Variants in FAAH2 observed in about 807,000 individuals in gnomAD.
FAAH2 encodes fatty-acid amide hydrolase 2.
FAAH2 carries 60 observed loss-of-function variants against 36.9 expected under a neutral mutation model. The ratio of observed to expected loss-of-function variants is 1.63; its 90% CI spans 1.32 to 2.02. FAAH2 has a LOEUF of 2.02. Ranked by LOEUF, FAAH2 falls within the 30% of genes most tolerant of loss-of-function variation. The probability of loss-of-function intolerance (pLI) is 0.00; values close to 1 mark genes in which losing one functional copy is unlikely to be tolerated. For synonymous variants in FAAH2, 214 were observed against 143.8 expected, an observed-to-expected ratio of 1.49 and a Z score of -3.49; for missense variants, 689 against 397.5, an observed-to-expected ratio of 1.73 and a Z score of -6.23.
At chrX:57,276,963 C>T in the FAAH2 span, among the ~76,000 whole-genome samples, 6 of 111,378 alleles carry the variant, frequency 5.4e-5, no homozygotes, top group South Asian at 7.7e-4. Context: ...AGTCCAGGAT[C>T]GGACGTATTC....
the FAAH2 span, among the ~76,000 whole-genome samples, chrX:57,203,759 A>G: frequency 1.8e-5 from 2 of 112,184 alleles, no homozygotes; most frequent in Non-Finnish European, 3.8e-5. Context: ...CCTGGCATTA[A>G]GGTCAGCTGT....
At chrX:57,466,717 T>C (rs886373980) in intron 10 of FAAH2, among the ~76,000 whole-genome samples, 1 of 111,261 alleles carries the variant, frequency 9.0e-6, no homozygotes, top group Non-Finnish European at 1.9e-5. Flanking sequence ...TTTTCCCCAC[T>C]TGAGATATTG....
chrX:57,234,267 G>T, the FAAH2 span, among the ~76,000 whole-genome samples: 4 of 111,014 alleles, frequency 3.6e-5, no homozygotes, highest in Non-Finnish European at 7.5e-5. Flanking sequence ...CACACCACAG[G>T]TCTTAATTGA....
intron 5 of FAAH2, among the ~76,000 whole-genome samples, chrX:57,366,706 G>A (rs759648897): frequency 8.9e-6 from 1 of 112,547 alleles, no homozygotes; most frequent in East Asian, 2.8e-4. Context: ...AGTTAAGCAG[G>A]GCTTGCCACT....
the FAAH2 span, among the ~76,000 whole-genome samples, chrX:57,181,615 A>G: frequency 8.9e-6 from 1 of 112,023 alleles, no homozygotes; most frequent in Admixed American, 9.5e-5. Context: ...CCATGCTTAT[A>G]TTTAGGAATA....
the FAAH2 span, among the ~76,000 whole-genome samples, chrX:57,261,570 A>G: frequency 5.0e-4 from 54 of 107,897 alleles, no homozygotes; most frequent in South Asian, 1.2e-3. Flanking sequence ...AAAAAAAAAA[A>G]AAAAAGAAAA....
chrX:57,331,448 C>A, intron 3 of FAAH2, 150 bp from the exon 4 acceptor site: 1 of 455,494 alleles, frequency 2.2e-6, no homozygotes, highest in Non-Finnish European at 3.8e-6. Context: ...CTCTGAAGAT[C>A]TGCTAGCAGT....
chrX:57,234,161 T>C, the FAAH2 span, among the ~76,000 whole-genome samples: 1 of 112,577 alleles, frequency 8.9e-6, no homozygotes, highest in Non-Finnish European at 1.9e-5. Context: ...ATTTATTTTT[T>C]TAAATGATGT....
intron 2 of FAAH2, among the ~76,000 whole-genome samples, chrX:57,301,695 C>T: frequency 9.1e-6 from 1 of 110,296 alleles, no homozygotes; most frequent in Non-Finnish European, 1.9e-5. Context: ...ATATAGAATA[C>T]TTGTTTCAGG....
chrX:57,294,424 C>T (rs2052072350), intron 2 of FAAH2, among the ~76,000 whole-genome samples: 1 of 111,451 alleles, frequency 9.0e-6, no homozygotes, highest in African/African-American at 3.3e-5. Context: ...GCTTTTTTAC[C>T]TCCTTCCCAA....
At chrX:57,308,312 A>G (rs765956715) in intron 2 of FAAH2, among the ~76,000 whole-genome samples, 2 of 111,260 alleles carry the variant, frequency 1.8e-5, no homozygotes, top group East Asian at 2.8e-4. Flanking sequence ...TTTACTTTTA[A>G]TAATAGCCAT....
chrX:57,207,486 G>C, the FAAH2 span, among the ~76,000 whole-genome samples: 2 of 111,673 alleles, frequency 1.8e-5, no homozygotes, highest in Non-Finnish European at 3.8e-5. Context: ...CAGGTAGGAC[G>C]TTTATCAGTA....
At chrX:57,141,964 C>T in the FAAH2 span, among the ~76,000 whole-genome samples, 2 of 110,051 alleles carry the variant, frequency 1.8e-5, no homozygotes, top group East Asian at 2.9e-4. Flanking sequence ...CCCCACACCC[C>T]GGTCTAATTT....
the FAAH2 span, among the ~76,000 whole-genome samples, chrX:57,193,987 T>G: frequency 8.9e-6 from 1 of 111,929 alleles, no homozygotes; most frequent in Non-Finnish European, 1.9e-5. Context: ...TTTTGTGTGT[T>G]TTTTTAAATG....
the FAAH2 span, among the ~76,000 whole-genome samples, chrX:57,175,487 T>C: frequency 8.9e-6 from 1 of 112,031 alleles, no homozygotes; most frequent in Non-Finnish European, 1.9e-5. Context: ...CTCTGGAAGA[T>C]AGCAGATATT....
At chrX:57,447,509 C>A (rs1029404190) in intron 9 of FAAH2, among the ~76,000 whole-genome samples, 9 of 112,150 alleles carry the variant, frequency 8.0e-5, no homozygotes, top group African/African-American at 2.9e-4. Context: ...TCCCTCAGCA[C>A]ACCTCTGTCT....
rs976750713 is a variant in FAAH2, at chrX:57,408,630, C to A, written c.997-23288C>A. Among the ~76,000 whole-genome samples the A allele has an allele frequency of 4.5e-5, 5 of 110,111 alleles. No homozygotes were observed. The Admixed American group carries it at 4.9e-4, about 11-fold the overall frequency. ...TGAATAGAAATAGCCAAAGTGAACA[C>A]CTTTATCTTATTCCTTATGAGGAAA... is the stretch of plus-strand genomic sequence containing the variant. On this transcript the variant is annotated intron_variant, in intron 7 of 10. Transcript: ENST00000374900.
chrX:57,382,019 A>G lies in FAAH2; in HGVS notation c.996+990A>G, dbSNP rs574763292. Among the ~76,000 whole-genome samples, 7 of 111,627 alleles carry G rather than the reference A, an allele frequency of 6.3e-5. No individual in the cohort carries two copies. The South Asian group carries it at 2.6e-3, about 42-fold the overall frequency. ...ACAAACTAGAACTCAGGATTAAGAA[A>G]CTCGCTCAAAACCGCTTAACTACAT... On this transcript the variant is annotated intron_variant, in intron 7 of 10. Transcript: ENST00000374900.
chrX:57,256,766 G>A, the FAAH2 span, among the ~76,000 whole-genome samples: 1 of 112,042 alleles, frequency 8.9e-6, no homozygotes, highest in Non-Finnish European at 1.9e-5. Context: ...GCAACCTACA[G>A]AATGGGAGAA....
Sources: allele counts gnomAD v4.1 joint callset (sites outside exome capture counted in the v4.1 genomes callset), GRCh38; gene constraint gnomAD v4.1.1; transcripts MANE v1.5; gene names NCBI Gene and HGNC (gene_info 2026-07-23, HGNC 2026-07-21).